Variants in SNED1 observed in about 807,000 individuals in gnomAD.
SNED1 encodes the protein sushi, nidogen and EGF like domains 1.
SNED1 carries 81 observed loss-of-function variants against 166.7 expected under a neutral mutation model. The ratio of observed to expected loss-of-function variants is 0.49; its 90% CI spans 0.41 to 0.58. SNED1 has a LOEUF of 0.58. SNED1 is among the 20% of genes least tolerant of loss of function. SNED1 has a pLI of 0.00. For synonymous variants in SNED1, 762 were observed against 822.0 expected (o/e 0.93, Z 1.25); for missense variants, 1,604 against 2,000.2 (o/e 0.80, Z 3.78).
intron 1 of SNED1, among the ~76,000 whole-genome samples, chr2:241,012,825 CTTT>C (rs59199140): frequency 8.3e-4 from 112 of 134,846 alleles, no homozygotes; most frequent in African/African-American, 2.4e-3. Flanking sequence ...TTTTTTTTTT[CTTT>C]TTTTTTTTTT....
At chr2:241,011,485 G>A (rs1040434897) in intron 1 of SNED1, among the ~76,000 whole-genome samples, 3 of 152,222 alleles carry the variant, frequency 2.0e-5, no homozygotes, top group South Asian at 2.1e-4. Flanking sequence ...AAGTCAGGAC[G>A]AGGGACTAAA....
chr2:241,037,386 T>C (rs2061408350), intron 6 of SNED1, 33 bp downstream of exon 6: 3 of 1,421,600 alleles, frequency 2.1e-6, no homozygotes, highest in Non-Finnish European at 2.9e-6. Flanking sequence ...CACGGGGCCC[T>C]GCTGGGGGCA....
rs764875343 is a variant in SNED1, at chr2:241,052,135, C to T, written c.1947C>T (p.Phe649=). The T allele has an allele frequency of 4.0e-5, 64 of 1,613,706 alleles. No individual in the cohort carries two copies. In the Middle Eastern group the frequency reaches 4.9e-4, roughly 12 times the overall value. Reference sequence around the variant, plus strand: ...ACAAGTGTGACTGTCCCCCAGGCTTCTCCGGGCGGCACTGCGAGATAGGTA... The same window carrying T: ...ACAAGTGTGACTGTCCCCCAGGCTTTTCCGGGCGGCACTGCGAGATAGGTA... ...GKYKCDCPPG[F]SGRHCEIAPS... The change falls in exon 14 of 32, where the codon TTC becomes TTT. Residue 649 remains phenylalanine (F), a synonymous_variant. Coordinates refer to ENST00000310397, the MANE Select transcript of SNED1 (RefSeq NM_001080437.3).
intron 4 of SNED1, 63 bp from the exon 5 acceptor site, chr2:241,036,727 A>G: frequency 1.3e-6 from 2 of 1,591,276 alleles, no homozygotes; most frequent in Non-Finnish European, 1.7e-6. Flanking sequence ...TGCGGATGGG[A>G]GTGGCTCTCC....
chr2:241,069,769 C>A lies in SNED1; in HGVS notation c.3308-151C>A, dbSNP rs2062623409. The stretch of plus-strand genomic sequence containing the variant: ...GAAGATTGTGCTGTACGTGCCAGCC[C>A]ACACCCCGCCTCGGCACTGTACCAT... On this transcript the variant is annotated intron_variant, in intron 23 of 31. Coordinates refer to ENST00000310397, the MANE Select transcript of SNED1 (RefSeq NM_001080437.3). This position sits in a 1 kb window ranked among gnomAD's most constrained non-coding sequence, Gnocchi z 4.9. The A allele has an allele frequency of 1.2e-5, 11 of 891,704 alleles. No individual in the cohort carries two copies. In the South Asian group the frequency reaches 1.7e-4, roughly 14 times the overall value. 55.2% of individuals were successfully genotyped at this position (891,704 alleles called of 1,614,324 possible).
chr2:241,033,492 T>C (rs2061250728), intron 2 of SNED1: 1 of 485,256 alleles, frequency 2.1e-6, no homozygotes, highest in East Asian at 3.7e-5. Flanking sequence ...CCCCAGGTGT[T>C]TCACTCACCC....
chr2:241,051,841 T>C lies in SNED1; in HGVS notation c.1833T>C (p.Thr611=), dbSNP rs747439991. ...EYHCSCPYRF[T]GRHCEIGKPD... ...ACTGCAGCTGCCCCTACCGCTTCACTGGGAGGCACTGTGAGATCGGTGCGG... is the reference window on the plus strand; with the variant it reads ...ACTGCAGCTGCCCCTACCGCTTCACCGGGAGGCACTGTGAGATCGGTGCGG... Residue 611 remains threonine, a synonymous_variant, in exon 13 of 32, where the codon ACT becomes ACC. Transcript: ENST00000310397. This position sits in a 1 kb window ranked among gnomAD's most constrained non-coding sequence, Gnocchi z 4.7. The C allele has an allele frequency of 1.1e-5, 17 of 1,557,974 alleles. No individual in the cohort carries two copies. The highest frequency in any genetic ancestry group is 1.5e-5 in the Non-Finnish European group (17 of 1,151,660).
chr2:241,070,930 C>T (rs1353284808), intron 24 of SNED1, among the ~76,000 whole-genome samples: 4 of 152,342 alleles, frequency 2.6e-5, no homozygotes, highest in South Asian at 2.1e-4. Flanking sequence ...CTCCCCAACC[C>T]GTGAGGCTGT....
At chr2:241,040,030 C>T in intron 6 of SNED1, 45 bp from the exon 7 acceptor site, 2 of 1,444,886 alleles carry the variant, frequency 1.4e-6, no homozygotes, top group Non-Finnish European at 9.5e-7. Flanking sequence ...CCTCAGGTAA[C>T]CATAACTGGG....
Position 241,051,801 on chromosome 2 carries a change from C to G in SNED1, c.1793C>G (p.Ala598Gly). 6.4e-7 allele frequency: 1 copy of G among 1,560,750 alleles called. No homozygotes were observed. Among genetic ancestry groups the G allele is most frequent in the Non-Finnish European group, 8.7e-7 (1 of 1,153,100 alleles). ...CGGAACGGGGGCACGTGCAAGGAGG[C>G]GGGCGGCGAGTACCACTGCAGCTGC... is the stretch of plus-strand genomic sequence containing the variant. ...PCRNGGTCKE[A>G]GGEYHCSCPY... The change falls in exon 13 of 32, where the codon GCG (alanine) becomes GGG (glycine). Residue 598 changes from alanine (A) to glycine (G), a missense_variant. Physicochemically the swap from Ala to Gly is moderately conservative, Grantham distance 60. Around this residue, in one of 2 missense-constraint regions of SNED1, gnomAD observed 1,237 missense variants for 1,620.8 expected, o/e 0.76. Coordinates refer to ENST00000310397, the MANE Select transcript of SNED1 (RefSeq NM_001080437.3). The surrounding 1 kb of genome is among the most constrained non-coding windows in gnomAD (Gnocchi z 4.7).
At position 241,064,218 on chromosome 2, in the gene SNED1, C is replaced by CGCCCTCTGCCCGCCTGCTCCCT; in HGVS notation, c.2599+114_2599+115insTGCCCTCTGCCCGCCTGCTCCC. On this transcript the variant is annotated intron_variant, in intron 19 of 31. Transcript: ENST00000310397. This position sits in a 1 kb window ranked among gnomAD's most constrained non-coding sequence, Gnocchi z 7.0. ...GCCCGCCCTCTGCCCGCCTGCTCCCCGCCCTCTGCCCGCCTGCTCCCCGCC... is the reference window on the plus strand; with the variant it reads ...GCCCGCCCTCTGCCCGCCTGCTCCCCGCCCTCTGCCCGCCTGCTCCCTGCCCTCTGCCCGCCTGCTCCCCGCC... 1.2e-6 allele frequency: 1 copy of CGCCCTCTGCCCGCCTGCTCCCT among 860,708 alleles called. No homozygotes were observed. Among genetic ancestry groups the CGCCCTCTGCCCGCCTGCTCCCT allele is most frequent in the African/African-American group, 1.7e-5 (1 of 57,410 alleles). The allele number at this position is 860,708 out of a possible 1,614,324, so 53.3% of individuals were successfully genotyped here.
At chr2:241,061,056 A>T (rs924236256) in intron 16 of SNED1, among the ~76,000 whole-genome samples, 58 of 152,238 alleles carry the variant, frequency 3.8e-4, no homozygotes, top group African/African-American at 1.4e-3. Context: ...TGATGAACAT[A>T]CTTGACCATA....
intron 10 of SNED1, 106 bp downstream of exon 10, chr2:241,048,872 G>A: frequency 1.7e-6 from 2 of 1,201,192 alleles, no homozygotes; most frequent in Non-Finnish European, 1.2e-6. Context: ...GTCGACCATT[G>A]GTTCTACCCC....
intron 8 of SNED1, among the ~76,000 whole-genome samples, chr2:241,042,684 A>C (rs977950048): frequency 3.3e-5 from 5 of 152,260 alleles, no homozygotes; most frequent in African/African-American, 1.2e-4. Flanking sequence ...AGGTATTTTT[A>C]AAAACTTGTA....
At position 241,074,662 on chromosome 2, in the gene SNED1, T is replaced by G. The variant is rs1327980384; in HGVS notation, c.3916+1298T>G. 2.6e-5 allele frequency: 4 copies of G among 152,280 alleles called. No individual in the cohort carries two copies. In the East Asian group the frequency reaches 7.7e-4, roughly 29 times the overall value. The allele number at this position is 152,280 out of a possible 1,614,324, so 9.4% of individuals were successfully genotyped here. ...TGCTCATGCCCTGGTGGGTGCAAAATGATTTTAAGTGATAACATGAAAAGT... is the reference window on the plus strand; with the variant it reads ...TGCTCATGCCCTGGTGGGTGCAAAAGGATTTTAAGTGATAACATGAAAAGT... On this transcript the variant is annotated intron_variant, in intron 27 of 31. Transcript: ENST00000310397.
intron 16 of SNED1, among the ~76,000 whole-genome samples, chr2:241,059,507 T>C (rs2062166343): frequency 6.6e-6 from 1 of 152,180 alleles, no homozygotes; most frequent in South Asian, 2.1e-4. Context: ...GACTGGTATC[T>C]CTCAAGAACA....
Position 241,071,718 on chromosome 2 carries a change from C to CCCCCGGG in SNED1, c.3732_3733insCCCCGGG (p.Arg1245ProfsTer56). The stretch of plus-strand genomic sequence containing the variant: ...CCCCCGAGACCCCCACCCAGCCCCC[C>CCCCCGGG]AGGTACATGCCCCACCCATCGGCCC... On this transcript the variant is annotated frameshift_variant and splice_region_variant, in exon 25 of 32. Transcript: ENST00000310397. LOFTEE classifies it high-confidence loss of function. 1 of 1,503,636 alleles carries CCCCCGGG rather than the reference C, an allele frequency of 6.7e-7. No homozygotes were observed. Among genetic ancestry groups the CCCCCGGG allele is most frequent in the Non-Finnish European group, 9.0e-7 (1 of 1,112,788 alleles). The allele number at this position is 1,503,636 out of a possible 1,614,324, so 93.1% of individuals were successfully genotyped here.
intron 16 of SNED1, among the ~76,000 whole-genome samples, chr2:241,062,229 C>T (rs545888298): frequency 2.0e-4 from 30 of 152,292 alleles, no homozygotes; most frequent in African/African-American, 6.5e-4. Flanking sequence ...GAAGGGTACA[C>T]GGTCGGATGA....
chr2:241,088,584 A>G, intron 31 of SNED1, 182 bp downstream of exon 31: 1 of 601,598 alleles, frequency 1.7e-6, no homozygotes, highest in Non-Finnish European at 2.9e-6. Flanking sequence ...CCAAGGGGAA[A>G]CAGACATGAA....
Sources: gnomAD v4.1 joint callset for allele counts (sites outside exome capture counted in the v4.1 genomes callset) on GRCh38, gnomAD v4.1.1 for gene constraint, gnomAD v4.1.1 regional missense constraint, Gnocchi (gnomAD v3.1) non-coding constraint, MANE v1.5 for transcripts, NCBI Gene and HGNC (gene_info 2026-07-23, HGNC 2026-07-21) for gene names.